TTC7B: variants seen among roughly 807,000 people sequenced by gnomAD.
The protein encoded by TTC7B is tetratricopeptide repeat domain 7B.
Under a neutral mutation model 106.8 loss-of-function variants are expected in TTC7B, and 28 were observed. The observed-to-expected ratio is 0.26, with a 90% CI of 0.19 to 0.36. The LOEUF is 0.36. Ranked by LOEUF, TTC7B falls within the 10% of genes least tolerant of loss-of-function variation. The probability of loss-of-function intolerance (pLI) is 1.00; values close to 1 mark genes in which losing one functional copy is unlikely to be tolerated. For synonymous variants in TTC7B, 405 were observed against 430.6 expected, an observed-to-expected ratio of 0.94 and a Z score of 0.74; for missense variants, 862 against 1,076.4, an observed-to-expected ratio of 0.80 and a Z score of 2.79.
In TTC7B at chr14:90,666,867, C is replaced by T. The variant is rs543119004; in HGVS notation, c.1153-8480G>A. ...TATTATAGAATTTGAATGCTGGATG[C>T]GGTTTTCTGGCATGCTCTCCTCTCA... On this transcript the variant is annotated intron_variant, in intron 9 of 19. Coordinates refer to ENST00000328459, the MANE Select transcript of TTC7B (RefSeq NM_001010854.2). Among the ~76,000 whole-genome samples the T allele has an allele frequency of 7.9e-4, 120 of 152,234 alleles. 1 individual carries two copies. Among genetic ancestry groups the T allele is most frequent in the Non-Finnish European group, 7.1e-4 (48 of 68,026 alleles).
Position 90,577,403 on chromosome 14 carries a change from C to CA in TTC7B, c.2310+702dup, listed in dbSNP as rs1891301316. ...AGTGTCCCCACCTAACTGAAACCGA[C>CA]ACGGCCAGGTGGCCGGCTCCAGGGT... On this transcript the variant is annotated intron_variant, in intron 19 of 19. Transcript: ENST00000328459. This position sits in a 1 kb window ranked among gnomAD's most constrained non-coding sequence, Gnocchi z 5.0. Among the ~76,000 whole-genome samples, 1 of 152,224 alleles carries CA rather than the reference C, an allele frequency of 6.6e-6. No homozygotes were observed. The highest frequency in any genetic ancestry group is 2.1e-4 in the South Asian group (1 of 4,838).
At chr14:90,660,702 G>C (rs1306347394) in intron 9 of TTC7B, among the ~76,000 whole-genome samples, 1 of 152,184 alleles carries the variant, frequency 6.6e-6, no homozygotes, top group Non-Finnish European at 1.5e-5. Context: ...ATGGGTAAAG[G>C]TAAAGTGAGG....
intron 5 of TTC7B, among the ~76,000 whole-genome samples, chr14:90,718,515 A>G (rs1888747336): frequency 6.6e-6 from 1 of 152,232 alleles, no homozygotes. Context: ...CTCCTTTAAC[A>G]GAATGAGATC....
intron 3 of TTC7B, among the ~76,000 whole-genome samples, chr14:90,778,843 C>T (rs150427740): frequency 1.3e-5 from 2 of 152,190 alleles, no homozygotes; most frequent in Admixed American, 6.5e-5. Flanking sequence ...ATTAGAGGAG[C>T]CTGGCAGTAC....
At chr14:90,799,282 C>T (rs534807675) in intron 1 of TTC7B, among the ~76,000 whole-genome samples, 5 of 152,330 alleles carry the variant, frequency 3.3e-5, no homozygotes, top group South Asian at 2.1e-4. Flanking sequence ...CTTGCTCCCT[C>T]GGCCTGGGCC....
At chr14:90,705,307 A>T (rs1888161101) in intron 5 of TTC7B, among the ~76,000 whole-genome samples, 1 of 152,068 alleles carries the variant, frequency 6.6e-6, no homozygotes, top group Non-Finnish European at 1.5e-5. Flanking sequence ...TCCCCAACTC[A>T]TTATTCCAGA....
At chr14:90,681,472 C>A (rs1887044525) in intron 7 of TTC7B, among the ~76,000 whole-genome samples, 1 of 147,492 alleles carries the variant, frequency 6.8e-6, no homozygotes, top group Non-Finnish European at 1.5e-5. Context: ...GATTTCCCCA[C>A]ACCCCCAATA....
At chr14:90,633,993 G>A (rs1481784419) in intron 15 of TTC7B, among the ~76,000 whole-genome samples, 2 of 151,930 alleles carry the variant, frequency 1.3e-5, no homozygotes, top group Admixed American at 6.6e-5. Context: ...TCCTGCTTCA[G>A]CTACTCCCGA....
intron 3 of TTC7B, among the ~76,000 whole-genome samples, chr14:90,748,494 ATTTT>A (rs887876555): frequency 6.9e-6 from 1 of 145,784 alleles, no homozygotes; most frequent in African/African-American, 2.5e-5. Context: ...CACATGGCTA[ATTTT>A]TTTTTTTTAG....
At chr14:90,648,067 AG>A (rs1885544337) in intron 13 of TTC7B, among the ~76,000 whole-genome samples, 1 of 152,196 alleles carries the variant, frequency 6.6e-6, no homozygotes, top group South Asian at 2.1e-4. Context: ...GCTGCAGGGA[AG>A]GGAGCTAACA....
At chr14:90,585,269 C>T (rs766506056) in intron 18 of TTC7B, among the ~76,000 whole-genome samples, 1 of 152,198 alleles carries the variant, frequency 6.6e-6, no homozygotes, top group Non-Finnish European at 1.5e-5. Flanking sequence ...CCAGGGGCTC[C>T]GTGGCACAGC....
rs905223008 is a variant in TTC7B at position 90,578,415 on chromosome 14, G to A, written c.2108-107C>T. 32 of 1,151,324 alleles carry A rather than the reference G, an allele frequency of 2.8e-5. No individual in the cohort carries two copies. Among genetic ancestry groups the A allele is most frequent in the South Asian group, 7.0e-5 (5 of 71,598 alleles). The allele number at this position is 1,151,324 out of a possible 1,614,324, so 71.3% of individuals were successfully genotyped here. Reference sequence around the variant, plus strand: ...TCCCTGCACGGGAGTCTGGCGGGGCGCAGAGCCAGCTGATCCCTGCTCCAA... The same window carrying A: ...TCCCTGCACGGGAGTCTGGCGGGGCACAGAGCCAGCTGATCCCTGCTCCAA... On this transcript the variant is annotated intron_variant, in intron 18 of 19. Transcript: ENST00000328459. The surrounding 1 kb of genome is among the most constrained non-coding windows in gnomAD (Gnocchi z 4.7).
intron 9 of TTC7B, among the ~76,000 whole-genome samples, chr14:90,667,788 T>C (rs1371180434): frequency 1.3e-5 from 2 of 152,158 alleles, no homozygotes; most frequent in Non-Finnish European, 2.9e-5. Flanking sequence ...CAAAATTTGG[T>C]GGACTCAATA....
intron 6 of TTC7B, among the ~76,000 whole-genome samples, chr14:90,694,546 C>T (rs192903978): frequency 1.5e-3 from 230 of 149,134 alleles, no homozygotes; most frequent in African/African-American, 5.0e-3. Flanking sequence ...AAAGGGCTTG[C>T]GCAAGTTCAC....
chr14:90,713,642 T>G (rs1478956460), intron 5 of TTC7B, among the ~76,000 whole-genome samples: 1 of 151,904 alleles, frequency 6.6e-6, no homozygotes, highest in Non-Finnish European at 1.5e-5. Context: ...TCCTAAAAAG[T>G]GAAACACAAA....
At chr14:90,637,399 GA>G (rs1026976218) in intron 15 of TTC7B, among the ~76,000 whole-genome samples, 2,354 of 47,082 alleles carry the variant, frequency 0.05, 44 homozygotes, top group African/African-American at 0.19. Flanking sequence ...TTCCCACAGA[GA>G]AAAACCCCCC....
In TTC7B at chr14:90,526,605, C is replaced by A. The variant is rs1203162791; in HGVS notation, c.*14763G>T. 1 of 152,214 alleles carries A rather than the reference C, an allele frequency of 6.6e-6. No individual in the cohort carries two copies. The highest frequency in any genetic ancestry group is 1.5e-5 in the Non-Finnish European group (1 of 68,046). 9.4% of individuals were successfully genotyped at this position (152,214 alleles called of 1,614,324 possible). ...CGTCTTGAATTGTAGTTCCCATAAT[C>A]CCCACATGTCATGGGAGGGACCCGG... On this transcript the variant is annotated 3_prime_UTR_variant, in exon 20 of 20. Transcript: ENST00000328459.
At chr14:90,707,487 C>T (rs1888256565) in intron 5 of TTC7B, among the ~76,000 whole-genome samples, 1 of 152,172 alleles carries the variant, frequency 6.6e-6, no homozygotes, top group African/African-American at 2.4e-5. Flanking sequence ...GAAGGTCTGC[C>T]AAAAGCCAAG....
At chr14:90,754,323 G>C (rs188535913) in intron 3 of TTC7B, among the ~76,000 whole-genome samples, 69 of 152,282 alleles carry the variant, frequency 4.5e-4, no homozygotes, top group African/African-American at 1.5e-3. Flanking sequence ...TATACGTAAA[G>C]CAGTACAGCA....
Sources: gnomAD v4.1 joint callset for allele counts (sites outside exome capture counted in the v4.1 genomes callset) on GRCh38, gnomAD v4.1.1 for gene constraint, Gnocchi (gnomAD v3.1) non-coding constraint, MANE v1.5 for transcripts, NCBI Gene and HGNC (gene_info 2026-07-23, HGNC 2026-07-21) for gene names.